AFF3: variants seen among roughly 807,000 people sequenced by gnomAD.
AFF3 encodes the protein ALF transcription elongation factor 3, also known as AF4/FMR2 family member 3.
A neutral mutation model predicts 129.7 loss-of-function variants in AFF3; 32 were observed. The ratio of observed to expected loss-of-function variants is 0.25; its 90% CI spans 0.19 to 0.33. The LOEUF (loss-of-function observed/expected upper bound fraction) is 0.33. Among genes scored for constraint, AFF3 ranks in the 10% least tolerant of loss-of-function variants. The pLI, the probability that AFF3 is intolerant of heterozygous loss-of-function variation, is 1.00. For synonymous variants in AFF3, 644 were observed against 635.4 expected, an observed-to-expected ratio of 1.01 and a Z score of -0.20; for missense variants, 1,373 against 1,592.0, an observed-to-expected ratio of 0.86 and a Z score of 2.34.
At chr2:100,013,997 G>C (rs942287131) in intron 4 of AFF3, among the ~76,000 whole-genome samples, 15 of 152,124 alleles carry the variant, frequency 9.9e-5, no homozygotes, top group Non-Finnish European at 2.2e-4. Flanking sequence ...GCTGGAGCCA[G>C]GACAGCCTGC....
intron 4 of AFF3, among the ~76,000 whole-genome samples, chr2:100,044,446 C>T (rs1685676221): frequency 6.6e-6 from 1 of 151,958 alleles, no homozygotes; most frequent in Non-Finnish European, 1.5e-5. Context: ...CATCTATCTA[C>T]CCAAGTCATA....
At chr2:100,085,395 G>C (rs1209927534) in intron 4 of AFF3, among the ~76,000 whole-genome samples, 3 of 151,840 alleles carry the variant, frequency 2.0e-5, no homozygotes, top group African/African-American at 7.3e-5. Context: ...AAAGGCTCCA[G>C]TCTCCCTCAA....
At chr2:99,996,374 C>T (rs930914591) in intron 7 of AFF3, among the ~76,000 whole-genome samples, 1 of 151,960 alleles carries the variant, frequency 6.6e-6, no homozygotes, top group African/African-American at 2.4e-5. Context: ...ATTATAGAAC[C>T]ACAGGTGATT....
chr2:100,024,621 A>C (rs531397601), intron 4 of AFF3, among the ~76,000 whole-genome samples: 2 of 151,464 alleles, frequency 1.3e-5, no homozygotes, highest in Non-Finnish European at 2.9e-5. Flanking sequence ...AAATAATAAT[A>C]ATTATTATTA....
At chr2:99,634,570 G>T (rs1279934059) in intron 13 of AFF3, among the ~76,000 whole-genome samples, 1 of 152,160 alleles carries the variant, frequency 6.6e-6, no homozygotes, top group Non-Finnish European at 1.5e-5. Flanking sequence ...GTAGAGAAGG[G>T]AGCAAAATTT....
In AFF3 at chr2:99,605,924, G is replaced by A. The variant is rs184476218; in HGVS notation, c.1185-4303C>T. 5.6e-3 allele frequency among the ~76,000 whole-genome samples: 851 copies of A among 152,102 alleles called. 8 individuals carry two copies. Among genetic ancestry groups the A allele is most frequent in the Admixed American group, 0.018 (275 of 15,282 alleles). On this transcript the variant is annotated intron_variant, in intron 13 of 24. Coordinates refer to ENST00000672756, the MANE Select transcript of AFF3 (RefSeq NM_001386135.1). ...GCTAGTCTTGAACTCCTGGCTTCAA[G>A]CAATCCTTCCACCTCAGCCTCCCAA...
At chr2:99,938,100 C>T (rs577852589) in intron 7 of AFF3, among the ~76,000 whole-genome samples, 2 of 152,174 alleles carry the variant, frequency 1.3e-5, no homozygotes. Context: ...TCTTTAGATA[C>T]TTTTCAAGAT....
At chr2:100,060,434 G>A (rs550288304) in intron 4 of AFF3, among the ~76,000 whole-genome samples, 1 of 152,290 alleles carries the variant, frequency 6.6e-6, no homozygotes, top group East Asian at 1.9e-4. Flanking sequence ...TAACCACTGT[G>A]CTAAGCGCCG....
rs555434438 is a variant in AFF3 at position 99,860,319 on chromosome 2, C to T, written c.874-22795G>A. Among the ~76,000 whole-genome samples, 46 of 151,932 alleles carry T rather than the reference C, an allele frequency of 3.0e-4. No homozygotes were observed. In the South Asian group the frequency reaches 8.8e-3, roughly 29 times the overall value. ...CTGTAATCCCAGCACTCTGGGAGGC[C>T]GAGGTGGGCAGATCACGAGGTCAGG... On this transcript the variant is annotated intron_variant, in intron 7 of 24. Transcript: ENST00000672756.
intron 2 of AFF3, chr2:100,106,369 T>C (rs76657965): frequency 8.9e-7 from 1 of 1,123,796 alleles, no homozygotes. Flanking sequence ...AGAATATGAA[T>C]ATAGGAAAAA....
intron 11 of AFF3, among the ~76,000 whole-genome samples, chr2:99,719,797 C>T (rs1678722241): frequency 6.6e-6 from 1 of 152,122 alleles, no homozygotes; most frequent in Non-Finnish European, 1.5e-5. Flanking sequence ...ACGCCTTAAT[C>T]CCAGCACTTT....
At chr2:99,724,418 G>A (rs769072058) in intron 11 of AFF3, among the ~76,000 whole-genome samples, 3 of 151,612 alleles carry the variant, frequency 2.0e-5, no homozygotes, top group Non-Finnish European at 2.9e-5. Context: ...GATTACAGGC[G>A]CATGCCACCA....
intron 7 of AFF3, among the ~76,000 whole-genome samples, chr2:99,853,277 T>C (rs1352454018): frequency 6.6e-6 from 1 of 152,250 alleles, no homozygotes; most frequent in Non-Finnish European, 1.5e-5. Context: ...CAATGGTTTC[T>C]AAAACATGTT....
At chr2:99,648,565 G>A (rs1181738003) in intron 13 of AFF3, among the ~76,000 whole-genome samples, 2 of 152,096 alleles carry the variant, frequency 1.3e-5, no homozygotes, top group Non-Finnish European at 2.9e-5. Context: ...GGAAGGTTTT[G>A]TAATTGAAAT....
At chr2:99,974,318 G>A (rs1045983110) in intron 7 of AFF3, among the ~76,000 whole-genome samples, 2 of 152,094 alleles carry the variant, frequency 1.3e-5, no homozygotes, top group African/African-American at 4.8e-5. Context: ...GGCTTAGTTG[G>A]TGCCTGGTGA....
At chr2:99,813,019 G>A (rs183031772) in intron 8 of AFF3, among the ~76,000 whole-genome samples, 13 of 151,912 alleles carry the variant, frequency 8.6e-5, no homozygotes, top group Admixed American at 3.9e-4. Context: ...GTGTCAAAAT[G>A]AAGGGCTTGA....
intron 11 of AFF3, among the ~76,000 whole-genome samples, chr2:99,692,913 G>A (rs1210673204): frequency 6.6e-6 from 1 of 152,192 alleles, no homozygotes; most frequent in Non-Finnish European, 1.5e-5. Context: ...GCTCTGTAGG[G>A]CTCTGAGACT....
chr2:99,946,473 T>TA lies in AFF3; in HGVS notation c.873+60158dup, dbSNP rs55672296. ...TGGTTGACAGAGTGAGACGCCATCT[T>TA]AAAAAAAAAAAAAAAAAAAAAAAAA... On this transcript the variant is annotated intron_variant, in intron 7 of 24. Transcript: ENST00000672756. Among the ~76,000 whole-genome samples, 159 of 50,470 alleles carry TA rather than the reference T, an allele frequency of 3.2e-3. 5 individuals carry two copies. Among genetic ancestry groups the TA allele is most frequent in the Non-Finnish European group, 4.4e-3 (119 of 26,810 alleles). 33.1% of individuals were successfully genotyped at this position (50,470 alleles called of 152,430 possible).
At chr2:99,887,502 G>A (rs1693202362) in intron 7 of AFF3, among the ~76,000 whole-genome samples, 1 of 152,062 alleles carries the variant, frequency 6.6e-6, no homozygotes. Context: ...CATTATCCGT[G>A]CTCACAAAAT....
Sources: gnomAD v4.1 joint callset for allele counts (sites outside exome capture counted in the v4.1 genomes callset) on GRCh38, gnomAD v4.1.1 for gene constraint, MANE v1.5 for transcripts, NCBI Gene and HGNC (gene_info 2026-07-23, HGNC 2026-07-21) for gene names.